The following MTAP variants were observed in gnomAD, a reference collection of about 807,000 sequenced individuals.
MTAP encodes the protein S-methyl-5'-thioadenosine phosphorylase.
A neutral mutation model predicts 33.6 loss-of-function variants in MTAP; 33 were observed. The observed-to-expected ratio is 0.98, with a 90% confidence interval of 0.74 to 1.31. The LOEUF (loss-of-function observed/expected upper bound fraction) is 1.31, where lower values mean the gene tolerates loss of function less well. MTAP is among the 40% of genes most tolerant of loss of function. MTAP has a pLI of 0.00. For synonymous variants in MTAP, 148 were observed against 125.7 expected (o/e 1.18, Z -1.19); for missense variants, 367 against 360.0 (o/e 1.02, Z -0.16).
At chr9:21,870,348 C>A (rs1256826913), downstream of MTAP, among the ~76,000 whole-genome samples, 3 of 152,190 alleles carry the variant, frequency 2.0e-5, no homozygotes, top group African/African-American at 7.2e-5. Context: ...AATGTACAAC[C>A]TCTGTGACAG....
In MTAP at chr9:21,840,966, C is replaced by T. The variant is rs575077087; in HGVS notation, c.450+2956C>T. Reference sequence around the variant, plus strand: ...AGTAGCTGGATGAGGCCTCTTGCTGCTGGCTCTCCCCCACTACCCTGGTAA... The same window carrying T: ...AGTAGCTGGATGAGGCCTCTTGCTGTTGGCTCTCCCCCACTACCCTGGTAA... On this transcript the variant is annotated intron_variant, in intron 5 of 7. Transcript: ENST00000644715. Among the ~76,000 whole-genome samples, 557 of 152,250 alleles carry T rather than the reference C, an allele frequency of 3.7e-3. 6 individuals are homozygous for T. Among genetic ancestry groups the T allele is most frequent in the African/African-American group, 0.013 (532 of 41,540 alleles).
At chr9:21,889,181 T>G (rs1818160155) in intron 1 of MTAP, among the ~76,000 whole-genome samples, 1 of 152,072 alleles carries the variant, frequency 6.6e-6, no homozygotes, top group African/African-American at 2.4e-5. Context: ...TTAAAAATTT[T>G]TTTTTCTTTG....
intron 1 of MTAP, among the ~76,000 whole-genome samples, chr9:21,925,367 C>T (rs1818852445): frequency 6.6e-6 from 1 of 152,190 alleles, no homozygotes; most frequent in Non-Finnish European, 1.5e-5. Context: ...ACTCTAAAAA[C>T]TAGCACTGGA....
intron 4 of MTAP, among the ~76,000 whole-genome samples, chr9:21,834,981 A>G (rs1825067859): frequency 6.6e-6 from 1 of 152,162 alleles, no homozygotes; most frequent in Admixed American, 6.5e-5. Flanking sequence ...GGTTGATACA[A>G]CGGAATACCA....
chr9:21,880,368 A>G (rs1337014178), intron 1 of MTAP, among the ~76,000 whole-genome samples: 2 of 152,142 alleles, frequency 1.3e-5, no homozygotes, highest in African/African-American at 4.8e-5. Context: ...AGTTTATGGT[A>G]TTTAGTTACA....
intron 4 of MTAP, among the ~76,000 whole-genome samples, chr9:21,827,769 G>A (rs1437347866): frequency 6.6e-6 from 1 of 152,178 alleles, no homozygotes; most frequent in East Asian, 1.9e-4. Flanking sequence ...GAGATAGGCT[G>A]GAGTTTGTGT....
chr9:21,864,823 A>AGGC lies in MTAP; in HGVS notation c.*2809_*2810insGGC. On this transcript the variant is annotated 3_prime_UTR_variant, in exon 8 of 8. Transcript: ENST00000644715. ...AGGTGCCACGTGAGCCTGCTCTGGC[A>AGGC]TCCACAGGATGCTCCTGGAGCCTCT... 2 of 985,482 alleles carry AGGC rather than the reference A, an allele frequency of 2.0e-6. No homozygotes were observed. The highest frequency in any genetic ancestry group is 9.4e-5 in the South Asian group (2 of 21,288). 61.0% of individuals were successfully genotyped at this position (985,482 alleles called of 1,614,324 possible).
At chr9:21,933,337 A>G (rs1483152666), downstream of MTAP, 1 of 152,220 alleles carries the variant, frequency 6.6e-6, no homozygotes, top group East Asian at 1.9e-4. Flanking sequence ...GTCTCCATTT[A>G]TAAGCTTGTC....
chr9:21,818,897 T>A (rs949331429), intron 4 of MTAP, among the ~76,000 whole-genome samples: 2 of 152,196 alleles, frequency 1.3e-5, no homozygotes, highest in Admixed American at 1.3e-4. Flanking sequence ...AACTGAAATT[T>A]TGTGCTTTGA....
At chr9:21,828,001 G>A (rs1402072523) in intron 4 of MTAP, among the ~76,000 whole-genome samples, 4 of 152,178 alleles carry the variant, frequency 2.6e-5, no homozygotes, top group Non-Finnish European at 4.4e-5. Context: ...ATGACTATAC[G>A]CTGTTGCATT....
intron 4 of MTAP, among the ~76,000 whole-genome samples, chr9:21,825,415 A>C (rs1397120530): frequency 6.6e-6 from 1 of 152,180 alleles, no homozygotes; most frequent in African/African-American, 2.4e-5. Flanking sequence ...ATCATGTGGT[A>C]GTTGATATTT....
At chr9:21,858,242 G>T (rs1383924219) in intron 6 of MTAP, among the ~76,000 whole-genome samples, 1 of 152,164 alleles carries the variant, frequency 6.6e-6, no homozygotes, top group African/African-American at 2.4e-5. Flanking sequence ...GACATGAAGA[G>T]AACAGCCACA....
At chr9:21,878,271 T>C (rs1218294963) in intron 1 of MTAP, among the ~76,000 whole-genome samples, 2 of 152,072 alleles carry the variant, frequency 1.3e-5, no homozygotes, top group Non-Finnish European at 2.9e-5. Context: ...TAGCTAGTGG[T>C]TTATCAATCT....
At chr9:21,915,047 CCTTCCTTCCTTT>C (rs761087703) in intron 1 of MTAP, among the ~76,000 whole-genome samples, 2,079 of 61,676 alleles carry the variant, frequency 0.034, 30 homozygotes, top group South Asian at 0.063. Flanking sequence ...TTCCTTCCTT[CCTTCCTTCCTTT>C]CTTTCTTTCT....
chr9:21,839,964 C>T (rs771243367), intron 5 of MTAP, among the ~76,000 whole-genome samples: 9 of 152,194 alleles, frequency 5.9e-5, no homozygotes, highest in South Asian at 4.1e-4. Context: ...CGGTGGCTCA[C>T]GCCTGTAATC....
chr9:21,856,632 A>C (rs1374358733), intron 6 of MTAP, among the ~76,000 whole-genome samples: 1 of 152,184 alleles, frequency 6.6e-6, no homozygotes, highest in Non-Finnish European at 1.5e-5. Flanking sequence ...GATTTCCTTT[A>C]GTAGCCAAAT....
Position 21,912,952 on chromosome 9 carries a change from A to C in MTAP, c.148-18056A>C, listed in dbSNP as rs1818605437. On this transcript the variant is annotated intron_variant, in intron 1 of 1. Coordinates refer to the MTAP transcript ENST00000577563. Reference sequence around the variant, plus strand: ...CAGCAAAGTCTCAGGATACAAAATCAATGTACAAAAATCACAAGCATTCTT... The same window carrying C: ...CAGCAAAGTCTCAGGATACAAAATCCATGTACAAAAATCACAAGCATTCTT... Among the ~76,000 whole-genome samples, 4 of 152,356 alleles carry C rather than the reference A, an allele frequency of 2.6e-5. No individual in the cohort carries two copies. The South Asian group carries it at 8.3e-4, about 32-fold the overall frequency.
At chr9:21,933,309 T>A (rs1407206075), downstream of MTAP, 1 of 152,184 alleles carries the variant, frequency 6.6e-6, no homozygotes, top group Non-Finnish European at 1.5e-5. Context: ...GTAAGAGAAA[T>A]TTATATCTAC....
chr9:21,927,156 A>C (rs956745149), intron 1 of MTAP, among the ~76,000 whole-genome samples: 1 of 152,208 alleles, frequency 6.6e-6, no homozygotes, highest in African/African-American at 2.4e-5. Context: ...TCAGCTTTTC[A>C]TCACTGAAAG....
Sources: allele counts gnomAD v4.1 joint callset (sites outside exome capture counted in the v4.1 genomes callset), GRCh38; gene constraint gnomAD v4.1.1; transcripts MANE v1.5; gene names NCBI Gene and HGNC (gene_info 2026-07-23, HGNC 2026-07-21).